Variants in PCBP3 observed in about 807,000 individuals in gnomAD.
PCBP3 encodes poly(rC) binding protein 3, also known as poly(rC)-binding protein 3.
In PCBP3, 25 loss-of-function variants were observed where a neutral mutation model predicts 52.7. That is an observed-to-expected ratio of 0.47 (90% confidence interval 0.35 to 0.66). The LOEUF is 0.66. PCBP3 is among the 30% of genes least tolerant of loss of function. The probability of loss-of-function intolerance (pLI) is 0.01; values close to 1 mark genes in which losing one functional copy is unlikely to be tolerated. For missense variants in PCBP3, 391 were observed against 490.3 expected (o/e 0.80, Z 1.91); for synonymous variants, 162 against 183.0 (o/e 0.89, Z 0.93).
At chr21:45,826,000 A>G (rs1451276663) in intron 4 of PCBP3, among the ~76,000 whole-genome samples, 6 of 152,260 alleles carry the variant, frequency 3.9e-5, no homozygotes, top group African/African-American at 1.4e-4. Context: ...GGCGGGGTGC[A>G]GTGGCTCACG....
chr21:45,832,735 T>C (rs1240946046), intron 4 of PCBP3: 1 of 152,260 alleles, frequency 6.6e-6, no homozygotes, highest in East Asian at 1.9e-4. Context: ...TTCACACTGC[T>C]ATAAAGACAT....
At chr21:45,864,552 C>T (rs1199063970) in intron 5 of PCBP3, among the ~76,000 whole-genome samples, 1 of 152,136 alleles carries the variant, frequency 6.6e-6, no homozygotes, top group Non-Finnish European at 1.5e-5. Context: ...GCTCAGGATC[C>T]TTCTGGTGAA....
chr21:45,697,062 T>C (rs1481124247), intron 2 of PCBP3, among the ~76,000 whole-genome samples: 1 of 152,190 alleles, frequency 6.6e-6, no homozygotes, highest in Admixed American at 6.5e-5. Flanking sequence ...TTGACCACTT[T>C]GAAAATATGT....
At chr21:45,770,115 G>A (rs2089737948) in intron 4 of PCBP3, among the ~76,000 whole-genome samples, 3 of 152,162 alleles carry the variant, frequency 2.0e-5, no homozygotes, top group South Asian at 2.1e-4. Flanking sequence ...ACGGCGACCC[G>A]GCCTCCCTCC....
At chr21:45,659,571 G>C (rs74403299) in intron 1 of PCBP3, among the ~76,000 whole-genome samples, 4,203 of 151,914 alleles carry the variant, frequency 0.028, 187 homozygotes, top group African/African-American at 0.09. Context: ...GACTGGTCTC[G>C]AACTCCTGGG....
At chr21:45,818,313 G>A (rs564860701) in intron 4 of PCBP3, among the ~76,000 whole-genome samples, 4 of 152,250 alleles carry the variant, frequency 2.6e-5, no homozygotes, top group South Asian at 4.1e-4. Flanking sequence ...GAGCCACCGC[G>A]CCGGCCTGGT....
At chr21:45,758,077 C>T (rs1162695260) in intron 4 of PCBP3, among the ~76,000 whole-genome samples, 17 of 152,010 alleles carry the variant, frequency 1.1e-4, no homozygotes, top group Admixed American at 1.1e-3. Flanking sequence ...TTAGTAGAGA[C>T]GGGGTTTCAC....
chr21:45,821,436 G>A lies in PCBP3; in HGVS notation c.-125-28525G>A, dbSNP rs558449213. Among the ~76,000 whole-genome samples the A allele has an allele frequency of 3.1e-3, 438 of 142,592 alleles. No individual in the cohort carries two copies. The highest frequency in any genetic ancestry group is 5.6e-3 in the Non-Finnish European group (367 of 66,110). 93.5% of individuals were successfully genotyped at this position (142,592 alleles called of 152,430 possible). ...AACACTCTTCCCCCTGCACCGTGCT[G>A]TGGGCCCCGCACCTTCCCCCAACTC... On this transcript the variant is annotated intron_variant, in intron 4 of 17. Coordinates refer to ENST00000681687, the MANE Select transcript of PCBP3 (RefSeq NM_001384156.1). The surrounding 1 kb of genome is among the most constrained non-coding windows in gnomAD (Gnocchi z 4.4).
At chr21:45,815,670 A>G (rs139498040) in intron 4 of PCBP3, among the ~76,000 whole-genome samples, 131 of 34,228 alleles carry the variant, frequency 3.8e-3, no homozygotes, top group African/African-American at 7.5e-3. Context: ...GTGGTGAGTG[A>G]TGAGTGAGTG....
At chr21:45,935,075 G>A (rs55887015) in intron 15 of PCBP3, among the ~76,000 whole-genome samples, 178 bp from the exon 16 acceptor site, 4,301 of 152,300 alleles carry the variant, frequency 0.028, 68 homozygotes, top group Middle Eastern at 0.041. Flanking sequence ...AAGGAAATTG[G>A]GTGGCAGTTT....
At chr21:45,933,163 C>T (rs1002057682) in intron 15 of PCBP3, among the ~76,000 whole-genome samples, 2 of 146,990 alleles carry the variant, frequency 1.4e-5, no homozygotes, top group African/African-American at 5.2e-5. Flanking sequence ...GAATGAACAC[C>T]TGGGCCATGC....
chr21:45,913,323 A>G (rs1187986884), intron 11 of PCBP3, among the ~76,000 whole-genome samples: 4 of 152,212 alleles, frequency 2.6e-5, no homozygotes, highest in Non-Finnish European at 4.4e-5. Context: ...GTGAAGTGAG[A>G]TGTTTCCAAG....
intron 4 of PCBP3, among the ~76,000 whole-genome samples, chr21:45,841,748 T>A (rs1354868288): frequency 6.6e-6 from 1 of 152,230 alleles, no homozygotes; most frequent in Non-Finnish European, 1.5e-5. Flanking sequence ...GAAAGTTTTC[T>A]GTAGAGGAAT....
chr21:45,921,299 T>C (rs1176938552), intron 13 of PCBP3, among the ~76,000 whole-genome samples: 1 of 152,208 alleles, frequency 6.6e-6, no homozygotes, highest in Non-Finnish European at 1.5e-5. Flanking sequence ...AGTTTATTTA[T>C]ACCACAGTGC....
At chr21:45,744,239 C>T (rs890644958) in intron 3 of PCBP3, 1 of 151,924 alleles carries the variant, frequency 6.6e-6, no homozygotes, top group Admixed American at 6.6e-5. Flanking sequence ...AGAGACAGAG[C>T]CACACTCTGT....
intron 4 of PCBP3, among the ~76,000 whole-genome samples, chr21:45,793,798 G>T (rs1273423323): frequency 1.3e-5 from 2 of 152,270 alleles, no homozygotes; most frequent in Non-Finnish European, 1.5e-5. Context: ...CGGGAAAAAT[G>T]ATTTCAAACC....
chr21:45,809,319 G>A lies in PCBP3; in HGVS notation c.-125-40642G>A, dbSNP rs934955931. 3.3e-5 allele frequency among the ~76,000 whole-genome samples: 5 copies of A among 152,104 alleles called. No individual in the cohort carries two copies. In the East Asian group the frequency reaches 5.8e-4, roughly 18 times the overall value. ...TCCATCTCTATCTAGAATTTATTTCGATGACTCTATACATCAGGGTTCAGT... is the reference window on the plus strand; with the variant it reads ...TCCATCTCTATCTAGAATTTATTTCAATGACTCTATACATCAGGGTTCAGT... On this transcript the variant is annotated intron_variant, in intron 4 of 17. Transcript: ENST00000681687.
In PCBP3 at chr21:45,911,227, G is replaced by C. The variant is rs540654482; in HGVS notation, c.600+197G>C. ...AGGGGTGCTGGGGCTGCCAGCTCAGGGTCCAGTGTCTTCGTGGGGGCGTCT... is the reference window on the plus strand; with the variant it reads ...AGGGGTGCTGGGGCTGCCAGCTCAGCGTCCAGTGTCTTCGTGGGGGCGTCT... On this transcript the variant is annotated intron_variant, in intron 11 of 17. Coordinates refer to ENST00000681687, the MANE Select transcript of PCBP3 (RefSeq NM_001384156.1). 6.9e-5 allele frequency: 47 copies of C among 677,254 alleles called. 1 individual carries two copies. In the African/African-American group the frequency reaches 7.9e-4, roughly 11 times the overall value. 42.0% of individuals were successfully genotyped at this position (677,254 alleles called of 1,614,324 possible).
At chr21:45,804,737 T>G (rs1293841656) in intron 4 of PCBP3, among the ~76,000 whole-genome samples, 3 of 152,096 alleles carry the variant, frequency 2.0e-5, no homozygotes, top group African/African-American at 7.2e-5. Context: ...TGGCCAGTTT[T>G]AGCCACATGA....
Sources: gnomAD v4.1 joint callset for allele counts (sites outside exome capture counted in the v4.1 genomes callset) on GRCh38, gnomAD v4.1.1 for gene constraint, Gnocchi (gnomAD v3.1) non-coding constraint, MANE v1.5 for transcripts, NCBI Gene and HGNC (gene_info 2026-07-23, HGNC 2026-07-21) for gene names.